The following DNAJC6 variants were observed in gnomAD, a reference collection of about 807,000 sequenced individuals.
DNAJC6 encodes DnaJ heat shock protein family (Hsp40) member C6.
In DNAJC6, 34 loss-of-function variants were observed where a neutral mutation model predicts 110.0. The ratio of observed to expected loss-of-function variants is 0.31; its 90% confidence interval spans 0.24 to 0.41. DNAJC6 has a LOEUF of 0.41. Among genes scored for constraint, DNAJC6 ranks in the 10% least tolerant of loss-of-function variants. DNAJC6 has a pLI of 1.00. For missense variants in DNAJC6, 1,031 were observed against 1,207.8 expected (o/e 0.85, Z 2.17); for synonymous variants, 406 against 437.2 (o/e 0.93, Z 0.89).
intron 4 of DNAJC6, among the ~76,000 whole-genome samples, chr1:65,370,989 CA>C (rs1178393861): frequency 6.6e-6 from 1 of 152,086 alleles, no homozygotes; most frequent in Non-Finnish European, 1.5e-5. Flanking sequence ...AGTGTCAGGA[CA>C]AGAAATAACT....
At chr1:65,316,681 GT>G (rs1233470934) in intron 1 of DNAJC6, among the ~76,000 whole-genome samples, 2 of 152,170 alleles carry the variant, frequency 1.3e-5, no homozygotes, top group African/African-American at 4.8e-5. Context: ...ATACAGCTAG[GT>G]TTTAACAGAA....
At chr1:65,356,747 T>C (rs1407942870) in intron 1 of DNAJC6, among the ~76,000 whole-genome samples, 1 of 151,682 alleles carries the variant, frequency 6.6e-6, no homozygotes, top group African/African-American at 2.4e-5. Context: ...TTCCAGTTTA[T>C]AGGGTGGGGA....
chr1:65,365,121 C>G (rs923282770), intron 2 of DNAJC6, among the ~76,000 whole-genome samples: 1 of 151,832 alleles, frequency 6.6e-6, no homozygotes, highest in Non-Finnish European at 1.5e-5. Flanking sequence ...TTTTTTATAC[C>G]CTGACAGGAT....
At position 65,364,720 on chromosome 1, in the gene DNAJC6, C is replaced by T; in HGVS notation, c.279C>T (p.Asn93=). The change falls in exon 2 of 19, where the codon AAC becomes AAT. Residue 93 remains asparagine, a synonymous_variant. Transcript: ENST00000371069. ...GAGGTGCAGGGAGGCTCTTTAGTAA[C>T]CTAAAGGACAACTTGAAAGACACCC... is the stretch of plus-strand genomic sequence containing the variant. ...VKGGAGRLFS[N]LKDNLKDTLK... is the part of the protein sequence containing the mutation. 6.2e-7 allele frequency: 1 copy of T among 1,611,470 alleles called. No homozygotes were observed. Among genetic ancestry groups the T allele is most frequent in the Non-Finnish European group, 8.5e-7 (1 of 1,179,330 alleles).
At position 65,394,906 on chromosome 1, in the gene DNAJC6, T is replaced by C. The variant is rs1300292939; in HGVS notation, c.1912T>C (p.Phe638Leu). ...TTCCCATTGTTTTCTAGGTGCCACC[T>C]TTGACCCATTTGGAGCACCTTCTAA... is the stretch of plus-strand genomic sequence containing the variant. ...PTLRVGEGAT[F>L]DPFGAPSKPS... is the part of the protein sequence containing the mutation. The change falls in exon 13 of 19, where the codon TTT (phenylalanine) becomes CTT (leucine). Residue 638 changes from phenylalanine (F) to leucine (L), a missense_variant. By Grantham distance (22) the Phe-to-Leu change is conservative. Coordinates refer to ENST00000371069, the MANE Select transcript of DNAJC6 (RefSeq NM_001256864.2). 2 of 1,598,972 alleles carry C rather than the reference T, an allele frequency of 1.3e-6. No individual in the cohort carries two copies. Among genetic ancestry groups the C allele is most frequent in the Admixed American group, 3.5e-5 (2 of 56,476 alleles).
chr1:65,304,861 G>C (rs1298849218), upstream of DNAJC6, among the ~76,000 whole-genome samples: 1 of 152,150 alleles, frequency 6.6e-6, no homozygotes, highest in Non-Finnish European at 1.5e-5. Flanking sequence ...CCTCAGACTG[G>C]AGCCTATATA....
At chr1:65,362,041 T>C (rs1485546527) in intron 1 of DNAJC6, among the ~76,000 whole-genome samples, 1 of 152,174 alleles carries the variant, frequency 6.6e-6, no homozygotes, top group Non-Finnish European at 1.5e-5. Context: ...ATAATATTAA[T>C]ACATTTTTTG....
At position 65,266,926 on chromosome 1, in the gene DNAJC6, A is replaced by C. The variant is rs561458246; in HGVS notation, c.-131+1994A>C. Among the ~76,000 whole-genome samples, 16 of 148,904 alleles carry C rather than the reference A, an allele frequency of 1.1e-4. No individual in the cohort carries two copies. The East Asian group carries it at 3.1e-3, about 29-fold the overall frequency. On this transcript the variant is annotated intron_variant, in intron 1 of 19. Transcript: ENST00000263441. Reference sequence around the variant, plus strand: ...TTTTTTTTTTTTTTGAGATGGAGTCACGCCCTGTCGCCCAGGTTGGAGTGC... The same window carrying C: ...TTTTTTTTTTTTTTGAGATGGAGTCCCGCCCTGTCGCCCAGGTTGGAGTGC...
rs144890994 is a variant in DNAJC6 at position 65,279,309 on chromosome 1, C to G, written c.-131+14377C>G. On this transcript the variant is annotated intron_variant, in intron 1 of 19. Transcript: ENST00000263441. ...GAACCAGTGTTAAAAGGAGAGGGCT[C>G]TTTAGAGAGGTAGCTGCAGGGAAGG... 582 of 296,522 alleles carry G rather than the reference C, an allele frequency of 2.0e-3. 1 individual carries two copies. The highest frequency in any genetic ancestry group is 0.013 in the African/African-American group (559 of 43,988). The allele number at this position is 296,522 out of a possible 1,614,324, so 18.4% of individuals were successfully genotyped here.
chr1:65,335,641 G>A (rs757105723), intron 1 of DNAJC6, among the ~76,000 whole-genome samples: 10 of 152,230 alleles, frequency 6.6e-5, no homozygotes, highest in Non-Finnish European at 1.2e-4. Flanking sequence ...AAGTGCAAAG[G>A]CCCTGAGGGA....
At chr1:65,389,733 C>T in intron 11 of DNAJC6, 106 bp downstream of exon 11, 1 of 1,243,790 alleles carries the variant, frequency 8.0e-7, no homozygotes, top group East Asian at 2.4e-5. Context: ...ACTTAGAGGT[C>T]ATTCAATCCA....
At chr1:65,309,533 C>T (rs1645076847), upstream of DNAJC6, 2 of 1,219,608 alleles carry the variant, frequency 1.6e-6, no homozygotes, top group South Asian at 2.3e-5. Context: ...CTCCCTCCTC[C>T]CGGCGCCCCG....
chr1:65,282,683 T>G (rs1165998967), intron 1 of DNAJC6, among the ~76,000 whole-genome samples: 5 of 152,204 alleles, frequency 3.3e-5, no homozygotes, highest in African/African-American at 1.2e-4. Context: ...TGCAAAATCC[T>G]TTCCTCTTAT....
chr1:65,331,236 GTTTATGAAGTTCCATTT>G, intron 1 of DNAJC6, among the ~76,000 whole-genome samples: 1 of 152,170 alleles, frequency 6.6e-6, no homozygotes, highest in Non-Finnish European at 1.5e-5. Flanking sequence ...GGCTTCCCAG[GTTTATGAAGTTCCATTT>G]CTAGGAAAAG....
intron 1 of DNAJC6, among the ~76,000 whole-genome samples, chr1:65,338,988 G>A (rs147616213): frequency 1.9e-4 from 29 of 152,248 alleles, no homozygotes; most frequent in African/African-American, 5.1e-4. Context: ...TGCCCTCTGC[G>A]TCACATTATC....
intron 11 of DNAJC6, among the ~76,000 whole-genome samples, chr1:65,391,131 TA>T (rs1481004175): frequency 6.6e-6 from 1 of 152,200 alleles, no homozygotes; most frequent in East Asian, 1.9e-4. Flanking sequence ...ATATCTCAGA[TA>T]ATAACCTATA....
chr1:65,319,975 G>A (rs992198736), intron 1 of DNAJC6, among the ~76,000 whole-genome samples: 1 of 152,092 alleles, frequency 6.6e-6, no homozygotes, highest in Non-Finnish European at 1.5e-5. Flanking sequence ...GAGATGTGGA[G>A]CCCCATGCCA....
intron 13 of DNAJC6, among the ~76,000 whole-genome samples, chr1:65,398,091 A>G (rs1172117700): frequency 2.6e-5 from 4 of 152,234 alleles, no homozygotes; most frequent in Non-Finnish European, 5.9e-5. Flanking sequence ...AAAACTTACT[A>G]CGCACATGTA....
chr1:65,345,310 A>G (rs1293198814), intron 1 of DNAJC6, among the ~76,000 whole-genome samples: 1 of 151,804 alleles, frequency 6.6e-6, no homozygotes, highest in East Asian at 1.9e-4. Flanking sequence ...ATATAGAAAT[A>G]AGAAGGTAGG....
Sources: allele counts gnomAD v4.1 joint callset (sites outside exome capture counted in the v4.1 genomes callset), GRCh38; gene constraint gnomAD v4.1.1; transcripts MANE v1.5; gene names NCBI Gene and HGNC (gene_info 2026-07-23, HGNC 2026-07-21).